The following COMMD10 variants were observed in gnomAD, a reference collection of about 807,000 sequenced individuals.
The protein encoded by COMMD10 is COMM domain containing 10.
Under a neutral mutation model 28.9 loss-of-function variants are expected in COMMD10, and 33 were observed. That is an observed-to-expected ratio of 1.14 (90% CI 0.87 to 1.53). COMMD10 has a LOEUF of 1.53. Among genes scored for constraint, COMMD10 ranks in the 40% most tolerant of loss-of-function variants. The pLI, the probability that COMMD10 is intolerant of heterozygous loss-of-function variation, is 0.00. For synonymous variants in COMMD10, 110 were observed against 81.7 expected, an observed-to-expected ratio of 1.35 and a Z score of -1.87; for missense variants, 310 against 233.4, an observed-to-expected ratio of 1.33 and a Z score of -2.14.
intron 4 of COMMD10, among the ~76,000 whole-genome samples, chr5:116,114,056 T>C (rs1751149695): frequency 6.6e-6 from 1 of 152,220 alleles, no homozygotes; most frequent in African/African-American, 2.4e-5. Context: ...ATATTGTTAT[T>C]GGTATCTGTG....
intron 5 of COMMD10, among the ~76,000 whole-genome samples, chr5:116,185,273 G>T (rs1193022685): frequency 1.3e-5 from 2 of 151,926 alleles, no homozygotes; most frequent in Non-Finnish European, 2.9e-5. Flanking sequence ...GTTGTGCTCT[G>T]AGTCCTAGGT....
chr5:116,123,333 G>A (rs1032617102), intron 4 of COMMD10, among the ~76,000 whole-genome samples: 1 of 152,122 alleles, frequency 6.6e-6, no homozygotes, highest in Non-Finnish European at 1.5e-5. Context: ...TAATCATGTG[G>A]TTTTTGTTGT....
At chr5:116,218,655 G>C (rs866936102) in intron 5 of COMMD10, among the ~76,000 whole-genome samples, 1 of 152,016 alleles carries the variant, frequency 6.6e-6, no homozygotes, top group Non-Finnish European at 1.5e-5. Flanking sequence ...AAATTTTCTT[G>C]GAAGCAAGGA....
intron 4 of COMMD10, among the ~76,000 whole-genome samples, chr5:116,131,267 C>T (rs900361921): frequency 6.6e-6 from 1 of 152,010 alleles, no homozygotes; most frequent in African/African-American, 2.4e-5. Context: ...AGCCCACACT[C>T]AGCTGCTACT....
At chr5:116,257,347 T>C (rs1485451089) in intron 5 of COMMD10, among the ~76,000 whole-genome samples, 2 of 151,736 alleles carry the variant, frequency 1.3e-5, no homozygotes, top group Admixed American at 1.3e-4. Flanking sequence ...ATATAACTTG[T>C]TGTCTACTGA....
In COMMD10 at chr5:116,101,244, C is replaced by T. The variant is rs1390193057; in HGVS notation, c.399+8544C>T. ...TTTTAGTACACTGATTTCTTTTCCT[C>T]TGGGTAGATGCCCCATTGAGGGATT... On this transcript the variant is annotated intron_variant, in intron 4 of 6. Transcript: ENST00000274458. 3.3e-5 allele frequency among the ~76,000 whole-genome samples: 5 copies of T among 152,052 alleles called. No individual in the cohort carries two copies. In the East Asian group the frequency reaches 5.8e-4, roughly 18 times the overall value.
intron 5 of COMMD10, among the ~76,000 whole-genome samples, chr5:116,257,405 T>A (rs557263361): frequency 6.6e-6 from 1 of 151,848 alleles, no homozygotes; most frequent in African/African-American, 2.4e-5. Flanking sequence ...ATTTTCAGCT[T>A]CTGTACTAAC....
intron 5 of COMMD10, among the ~76,000 whole-genome samples, chr5:116,188,838 C>T (rs1748244789): frequency 6.6e-6 from 1 of 152,212 alleles, no homozygotes; most frequent in East Asian, 1.9e-4. Flanking sequence ...CCATGTTGCC[C>T]AGGCTAGTCG....
At chr5:116,133,417 G>T (rs1316014797) in intron 4 of COMMD10, among the ~76,000 whole-genome samples, 2 of 152,148 alleles carry the variant, frequency 1.3e-5, no homozygotes, top group East Asian at 3.8e-4. Flanking sequence ...GAAATGTTCT[G>T]ATTAGTTTCT....
At chr5:116,172,623 C>T (rs757524687) in intron 5 of COMMD10, among the ~76,000 whole-genome samples, 11 of 152,012 alleles carry the variant, frequency 7.2e-5, no homozygotes, top group Admixed American at 3.3e-4. Flanking sequence ...AGTTCCTATT[C>T]GAAAAGATTT....
intron 5 of COMMD10, among the ~76,000 whole-genome samples, chr5:116,160,578 A>G (rs1222528345): frequency 2.0e-5 from 3 of 151,742 alleles, no homozygotes; most frequent in Non-Finnish European, 4.4e-5. Context: ...TCAGATCTAA[A>G]GATTTTATTT....
chr5:116,170,525 C>G (rs938511726), intron 5 of COMMD10, among the ~76,000 whole-genome samples: 9 of 152,066 alleles, frequency 5.9e-5, no homozygotes, highest in African/African-American at 2.2e-4. Context: ...CCCGTATAGC[C>G]AAGACAATCC....
intron 5 of COMMD10, among the ~76,000 whole-genome samples, chr5:116,193,009 A>T (rs1209898014): frequency 3.3e-5 from 5 of 152,226 alleles, no homozygotes. Flanking sequence ...CCTTATCTTC[A>T]GCCTCCTCAC....
At chr5:116,195,377 G>A (rs1316221055) in intron 5 of COMMD10, among the ~76,000 whole-genome samples, 1 of 151,780 alleles carries the variant, frequency 6.6e-6, no homozygotes, top group Non-Finnish European at 1.5e-5. Context: ...GACTGTCAGT[G>A]TTTGACAATA....
At chr5:116,140,922 C>A (rs1281436233) in intron 5 of COMMD10, among the ~76,000 whole-genome samples, 2 of 151,644 alleles carry the variant, frequency 1.3e-5, no homozygotes, top group East Asian at 3.9e-4. Context: ...TGTACAGGAG[C>A]TTTTAGTTTG....
chr5:116,209,061 C>T (rs1238546198), intron 5 of COMMD10, among the ~76,000 whole-genome samples: 1 of 151,982 alleles, frequency 6.6e-6, no homozygotes, highest in Non-Finnish European at 1.5e-5. Context: ...TCTTCCATGG[C>T]TATTCCACTT....
chr5:116,107,162 T>C (rs945097237), intron 4 of COMMD10, among the ~76,000 whole-genome samples: 10 of 152,168 alleles, frequency 6.6e-5, no homozygotes, highest in African/African-American at 2.4e-4. Flanking sequence ...GTCTCGGGGT[T>C]GCTCTTCTCG....
intron 5 of COMMD10, among the ~76,000 whole-genome samples, chr5:116,255,012 T>A (rs1197380515): frequency 6.6e-6 from 1 of 151,660 alleles, no homozygotes; most frequent in Non-Finnish European, 1.5e-5. Context: ...TTTAGGATAG[T>A]TAGCTCTTCT....
chr5:116,150,176 G>C (rs1752474909), intron 5 of COMMD10, among the ~76,000 whole-genome samples: 1 of 152,136 alleles, frequency 6.6e-6, no homozygotes, highest in Non-Finnish European at 1.5e-5. Flanking sequence ...TAGCTATGCA[G>C]TGTTACTTCT....
Sources: gnomAD v4.1 joint callset for allele counts (sites outside exome capture counted in the v4.1 genomes callset) on GRCh38, gnomAD v4.1.1 for gene constraint, MANE v1.5 for transcripts, NCBI Gene and HGNC (gene_info 2026-07-23, HGNC 2026-07-21) for gene names.